The following ILRUN variants were observed in gnomAD, a reference collection of about 807,000 sequenced individuals.
ILRUN encodes inflammation and lipid regulator with UBA-like and NBR1-like domains, also known as protein ILRUN.
Under a neutral mutation model 33.8 loss-of-function variants are expected in ILRUN, and 3 were observed. That is an observed-to-expected ratio of 0.09 (90% CI 0.04 to 0.23). The LOEUF (loss-of-function observed/expected upper bound fraction) is 0.23. Ranked by LOEUF, ILRUN falls within the 10% of genes least tolerant of loss-of-function variation. ILRUN has a pLI of 1.00. For missense variants in ILRUN, 210 were observed against 375.1 expected, an observed-to-expected ratio of 0.56 and a Z score of 3.64; for synonymous variants, 124 against 138.9, an observed-to-expected ratio of 0.89 and a Z score of 0.75.
intron 1 of ILRUN, among the ~76,000 whole-genome samples, chr6:34,683,399 CATATATACATAT>C (rs1211547522): frequency 6.3e-5 from 7 of 111,154 alleles, no homozygotes; most frequent in South Asian, 2.7e-4. Flanking sequence ...TATATATGCA[CATATATACATAT>C]ATATATACAT....
intron 3 of ILRUN, among the ~76,000 whole-genome samples, chr6:34,639,769 G>A (rs1762432819): frequency 6.6e-6 from 1 of 152,096 alleles, no homozygotes; most frequent in Non-Finnish European, 1.5e-5. Context: ...CCAAAGTAAT[G>A]ACAAAGATAA....
chr6:34,599,822 C>A (rs1761472322), intron 4 of ILRUN, among the ~76,000 whole-genome samples: 1 of 152,198 alleles, frequency 6.6e-6, no homozygotes, highest in Non-Finnish European at 1.5e-5. Flanking sequence ...CTGTTCTCTC[C>A]CCACTTCTAC....
chr6:34,614,443 A>AAAAAAAAT (rs71000073), intron 3 of ILRUN, among the ~76,000 whole-genome samples: 40 of 133,584 alleles, frequency 3.0e-4, no homozygotes, highest in African/African-American at 9.2e-4. Context: ...AAAAAAAAAA[A>AAAAAAAAT]ATATATATAT....
intron 3 of ILRUN, among the ~76,000 whole-genome samples, chr6:34,624,375 G>A (rs906737021): frequency 2.0e-5 from 3 of 151,952 alleles, no homozygotes; most frequent in Admixed American, 2.0e-4. Context: ...CCAGGCTGGA[G>A]CACAATAGTG....
Position 34,662,669 on chromosome 6 carries a change from G to A in ILRUN, c.159-7890C>T, listed in dbSNP as rs561458864. ...AAGGTCAAATACTTACATGGAAAGT[G>A]GGTAGTTGTTTAATGAGTACATAGT... On this transcript the variant is annotated intron_variant, in intron 1 of 4. Transcript: ENST00000374023. Among the ~76,000 whole-genome samples, 178 of 152,362 alleles carry A rather than the reference G, an allele frequency of 1.2e-3. 1 individual carries two copies. Among genetic ancestry groups the A allele is most frequent in the African/African-American group, 4.1e-3 (171 of 41,596 alleles).
At chr6:34,598,601 A>AG (rs1300080407) in intron 4 of ILRUN, among the ~76,000 whole-genome samples, 2 of 152,248 alleles carry the variant, frequency 1.3e-5, no homozygotes, top group African/African-American at 4.8e-5. Context: ...CAGCCACAAG[A>AG]GTGCACAGCA....
In ILRUN at chr6:34,587,702, T is replaced by C. The variant is rs987232816; in HGVS notation, c.*2863A>G. Reference sequence around the variant, plus strand: ...GGCTTAAGGTTACAGCCAGTCCTTATGGGGGAGAGAAGGCTGACTGCTTCT... The same window carrying C: ...GGCTTAAGGTTACAGCCAGTCCTTACGGGGGAGAGAAGGCTGACTGCTTCT... On this transcript the variant is annotated 3_prime_UTR_variant, in exon 5 of 5. Transcript: ENST00000374023. 1.1e-5 allele frequency: 2 copies of C among 185,444 alleles called. No homozygotes were observed. The highest frequency in any genetic ancestry group is 4.7e-5 in the African/African-American group (2 of 42,706). The allele number at this position is 185,444 out of a possible 1,614,324, so 11.5% of individuals were successfully genotyped here.
At chr6:34,597,590 G>A (rs1761427651) in intron 4 of ILRUN, among the ~76,000 whole-genome samples, 1 of 152,170 alleles carries the variant, frequency 6.6e-6, no homozygotes, top group Non-Finnish European at 1.5e-5. Flanking sequence ...TTAATTGACA[G>A]GCATCAGCTT....
chr6:34,696,521 A>G lies in ILRUN; in HGVS notation c.83T>C (p.Ile28Thr). ...GCCGAGCAGCCTCTGGAACTCGGAG[A>G]TGAGCACGTCCTTGTCGGTGGTGCC... ...CLGTTDKDVL[I>T]SEFQRLLGFQ... Residue 28 changes from isoleucine (I) to threonine (T), a missense_variant, in exon 1 of 5, where the codon ATC becomes ACC. Ile to Thr is a moderately conservative substitution (Grantham distance 89). Coordinates refer to ENST00000374023, the MANE Select transcript of ILRUN (RefSeq NM_024294.4). 1 of 1,613,340 alleles carries G rather than the reference A, an allele frequency of 6.2e-7. No homozygotes were observed. Among genetic ancestry groups the G allele is most frequent in the South Asian group, 1.1e-5 (1 of 91,018 alleles).
intron 4 of ILRUN, among the ~76,000 whole-genome samples, chr6:34,601,634 A>G (rs1761509713): frequency 6.6e-6 from 1 of 152,068 alleles, no homozygotes; most frequent in Non-Finnish European, 1.5e-5. Flanking sequence ...TAGATAATAG[A>G]TCCACAAGCC....
In ILRUN at chr6:34,634,611, G is replaced by A. The variant is rs183956573; in HGVS notation, c.511+11990C>T. ...ACACAAAATATCAAGAATGAAAGAA[G>A]GGATTATCATCAAACATAGATGTTA... On this transcript the variant is annotated intron_variant, in intron 3 of 4. Coordinates refer to ENST00000374023, the MANE Select transcript of ILRUN (RefSeq NM_024294.4). 1.7e-3 allele frequency among the ~76,000 whole-genome samples: 254 copies of A among 151,156 alleles called. 1 individual carries two copies. The highest frequency in any genetic ancestry group is 5.8e-3 in the African/African-American group (239 of 41,166).
At chr6:34,623,229 A>G (rs1562006495) in intron 3 of ILRUN, among the ~76,000 whole-genome samples, 1 of 152,256 alleles carries the variant, frequency 6.6e-6, no homozygotes, top group African/African-American at 2.4e-5. Flanking sequence ...AATAAATTGT[A>G]TGTGTTATTT....
intron 3 of ILRUN, among the ~76,000 whole-genome samples, chr6:34,624,604 G>C (rs912545686): frequency 5.9e-5 from 9 of 152,220 alleles, no homozygotes; most frequent in African/African-American, 2.2e-4. Context: ...AAAGTGCTGG[G>C]ATTACAGGTG....
intron 2 of ILRUN, among the ~76,000 whole-genome samples, chr6:34,653,132 C>CAAAA (rs947213125): frequency 3.9e-5 from 2 of 51,562 alleles, no homozygotes; most frequent in Non-Finnish European, 4.3e-5. Flanking sequence ...GACCTTGTCT[C>CAAAA]AAAAAAAAAA....
chr6:34,633,701 T>C (rs531949827), intron 3 of ILRUN, among the ~76,000 whole-genome samples: 1 of 149,416 alleles, frequency 6.7e-6, no homozygotes, highest in South Asian at 2.1e-4. Context: ...AAATAAAAAG[T>C]AAAAAACAAG....
chr6:34,647,943 C>T (rs561014109), intron 2 of ILRUN, among the ~76,000 whole-genome samples: 1 of 152,124 alleles, frequency 6.6e-6, no homozygotes, highest in East Asian at 1.9e-4. Flanking sequence ...AGGTGATCTG[C>T]CTGCCTTGGC....
chr6:34,641,078 C>CAAAA (rs752197549), intron 3 of ILRUN, among the ~76,000 whole-genome samples: 82 of 77,092 alleles, frequency 1.1e-3, no homozygotes, highest in Admixed American at 7.5e-3. Flanking sequence ...GACTCCATCT[C>CAAAA]AAAAAAAAAA....
chr6:34,688,658 C>T (rs1456767775), intron 1 of ILRUN, among the ~76,000 whole-genome samples: 1 of 151,978 alleles, frequency 6.6e-6, no homozygotes, highest in Non-Finnish European at 1.5e-5. Flanking sequence ...ACAAAAAATA[C>T]AAAAATTAGC....
chr6:34,664,518 T>C (rs1762956179), intron 1 of ILRUN, among the ~76,000 whole-genome samples: 1 of 152,206 alleles, frequency 6.6e-6, no homozygotes, highest in South Asian at 2.1e-4. Context: ...ATAATAACTC[T>C]GCTTCCAAGA....
Sources: gnomAD v4.1 joint callset for allele counts (sites outside exome capture counted in the v4.1 genomes callset) on GRCh38, gnomAD v4.1.1 for gene constraint, MANE v1.5 for transcripts, NCBI Gene and HGNC (gene_info 2026-07-23, HGNC 2026-07-21) for gene names.